PDE4A: variants seen among roughly 807,000 people sequenced by gnomAD.
The protein encoded by PDE4A is phosphodiesterase 4A, also known as 3',5'-cyclic-AMP phosphodiesterase 4A.
In PDE4A, 21 loss-of-function variants were observed where a neutral mutation model predicts 73.9. That is an observed-to-expected ratio of 0.28 (90% confidence interval 0.20 to 0.41). The LOEUF is 0.41. Among genes scored for constraint, PDE4A ranks in the 10% least tolerant of loss-of-function variants. The pLI, the probability that PDE4A is intolerant of heterozygous loss-of-function variation, is 1.00. For missense variants in PDE4A, 958 were observed against 1,211.4 expected (o/e 0.79, Z 3.10); for synonymous variants, 463 against 505.4 (o/e 0.92, Z 1.13).
In PDE4A at chr19:10,467,033, C is replaced by A; in HGVS notation, c.2073C>A (p.Pro691=). ...SAIRQSPSPP[P]EEESRGPGHP... is the part of the protein sequence containing the mutation. Reference sequence around the variant, plus strand: ...TCCGGCAGAGCCCATCTCCGCCACCCGAGGAGGAGTCAAGGGGGCCAGGCC... The same window carrying A: ...TCCGGCAGAGCCCATCTCCGCCACCAGAGGAGGAGTCAAGGGGGCCAGGCC... Residue 691 remains proline, a synonymous_variant, in exon 15 of 15, where the codon CCC becomes CCA. Coordinates refer to ENST00000380702, the MANE Select transcript of PDE4A (RefSeq NM_001111307.2). The A allele has an allele frequency of 6.2e-7, 1 of 1,614,138 alleles. No individual in the cohort carries two copies. The highest frequency in any genetic ancestry group is 1.1e-5 in the South Asian group (1 of 91,090).
intron 1 of PDE4A, among the ~76,000 whole-genome samples, chr19:10,422,033 C>T (rs1411617549): frequency 1.3e-5 from 2 of 152,016 alleles, no homozygotes; most frequent in Non-Finnish European, 2.9e-5. Flanking sequence ...ACAGGGTTTG[C>T]GACAGTGACT....
chr19:10,462,031 G>GT, intron 13 of PDE4A, 32 bp downstream of exon 13: 1 of 1,584,478 alleles, frequency 6.3e-7, no homozygotes, highest in Non-Finnish European at 8.6e-7. Flanking sequence ...TAAGGAGGGA[G>GT]GACACTCCCC....
chr19:10,421,011 C>G lies in PDE4A; in HGVS notation c.247C>G (p.Arg83Gly). 1.3e-6 allele frequency: 2 copies of G among 1,507,578 alleles called. No individual in the cohort carries two copies. The highest frequency in any genetic ancestry group is 1.8e-6 in the Non-Finnish European group (2 of 1,137,060). 93.4% of individuals were successfully genotyped at this position (1,507,578 alleles called of 1,614,324 possible). A position where few individuals can be genotyped will look rare whatever the true frequency, so the allele number is the denominator to read the frequency against. The change falls in exon 1 of 15, where the codon CGC (arginine) becomes GGC (glycine). Residue 83 changes from arginine (R) to glycine (G), a missense_variant. Transcript: ENST00000380702. ...CGACCGGCCCGGCCTGCGCACGACCCGCATGTCCTGGCCCTCGTCCTTCCA... is the reference window on the plus strand; with the variant it reads ...CGACCGGCCCGGCCTGCGCACGACCGGCATGTCCTGGCCCTCGTCCTTCCA... ...TSDRPGLRTTRMSWPSSFHGT... is the reference protein window; with the variant it reads ...TSDRPGLRTTGMSWPSSFHGT...
chr19:10,457,441 G>C (rs1469408921), intron 7 of PDE4A, among the ~76,000 whole-genome samples: 2 of 132,876 alleles, frequency 1.5e-5, no homozygotes, highest in African/African-American at 5.4e-5. Context: ...CGGGGGGGGG[G>C]GGGGGCAGGG....
chr19:10,417,430 G>A (rs113234340), upstream of PDE4A: 1,972 of 984,846 alleles, frequency 2.0e-3, 1 homozygote, highest in Non-Finnish European at 2.3e-3. Flanking sequence ...CCAAGGCTGG[G>A]GCATCGAGAG....
chr19:10,453,265 T>G lies in PDE4A; in HGVS notation c.784-1564T>G. On this transcript the variant is annotated intron_variant, in intron 6 of 14. Transcript: ENST00000380702. This position sits in a 1 kb window ranked among gnomAD's most constrained non-coding sequence, Gnocchi z 4.6. ...CCCCAGGCGGGCTAAGTCTCCAAGA[T>G]GCCCTTGGTGGATTTCTTCTGCGAG... 1 of 1,612,528 alleles carries G rather than the reference T, an allele frequency of 6.2e-7. No individual in the cohort carries two copies. Among genetic ancestry groups the G allele is most frequent in the Non-Finnish European group, 8.5e-7 (1 of 1,179,308 alleles).
chr19:10,420,702 A>G lies in PDE4A; in HGVS notation c.-63A>G. ...GCCCTGGGCTCGCTGGCTTGCGCGC[A>G]GCTGAGCGGGGTGTAGGTTGGAAGG... On this transcript the variant is annotated 5_prime_UTR_variant, in exon 1 of 15. Transcript: ENST00000380702. The surrounding 1 kb of genome is among the most constrained non-coding windows in gnomAD (Gnocchi z 6.0). 7.1e-7 allele frequency: 1 copy of G among 1,401,244 alleles called. No homozygotes were observed. 86.8% of individuals were successfully genotyped at this position (1,401,244 alleles called of 1,614,324 possible). A position where few individuals can be genotyped will look rare whatever the true frequency, so the allele number is the denominator to read the frequency against.
At chr19:10,417,799 C>T (rs1348491402), upstream of PDE4A, 13 of 1,556,110 alleles carry the variant, frequency 8.4e-6, no homozygotes, top group Non-Finnish European at 1.0e-5. Context: ...CCTCTGCCGC[C>T]ACGGCCCACC....
In PDE4A at chr19:10,467,013, C is replaced by A. The variant is rs199892625; in HGVS notation, c.2053C>A (p.Gln685Lys). 3.0e-5 allele frequency: 48 copies of A among 1,614,058 alleles called. No individual in the cohort carries two copies. The highest frequency in any genetic ancestry group is 3.6e-5 in the Non-Finnish European group (43 of 1,180,052). ...NRDWYYSAIR[Q>K]SPSPPPEEES... ...GGACTGGTACTACAGCGCCATCCGG[C>A]AGAGCCCATCTCCGCCACCCGAGGA... Residue 685 changes from glutamine to lysine, a missense_variant, in exon 15 of 15, where the codon CAG becomes AAG. Gln to Lys is a moderately conservative substitution (Grantham distance 53). Transcript: ENST00000380702.
In PDE4A at chr19:10,467,012, G is replaced by T. The variant is rs970417876; in HGVS notation, c.2052G>T (p.Arg684=). 1 of 1,614,126 alleles carries T rather than the reference G, an allele frequency of 6.2e-7. No individual in the cohort carries two copies. The highest frequency in any genetic ancestry group is 1.3e-5 in the African/African-American group (1 of 75,054). Residue 684 remains arginine, a synonymous_variant, in exon 15 of 15, where the codon CGG becomes CGT. Transcript: ENST00000380702. ...DNRDWYYSAI[R]QSPSPPPEEE... ...GGGACTGGTACTACAGCGCCATCCG[G>T]CAGAGCCCATCTCCGCCACCCGAGG...
chr19:10,430,951 C>T, intron 1 of PDE4A: 2 of 1,529,908 alleles, frequency 1.3e-6, no homozygotes, highest in Non-Finnish European at 1.7e-6. Flanking sequence ...CCCCTGGCCC[C>T]GCGCGCGCCC....
At chr19:10,446,112 T>C (rs2042999501) in intron 1 of PDE4A, 106 bp from the exon 2 acceptor site, 3 of 1,462,332 alleles carry the variant, frequency 2.1e-6, no homozygotes, top group Non-Finnish European at 1.8e-6. Flanking sequence ...GTGCTGGGAT[T>C]ACAGGCATTA....
chr19:10,423,286 G>A (rs1166183068), intron 1 of PDE4A: 1 of 276,206 alleles, frequency 3.6e-6, no homozygotes, highest in African/African-American at 2.3e-5. Flanking sequence ...AGCCTCCGGA[G>A]TAGCTGGGAT....
intron 14 of PDE4A, among the ~76,000 whole-genome samples, chr19:10,465,099 C>G (rs551002252): frequency 6.6e-6 from 1 of 152,136 alleles, no homozygotes; most frequent in Non-Finnish European, 1.5e-5. Context: ...GTTTCTAGGC[C>G]TCAGCACTGT....
intron 1 of PDE4A, among the ~76,000 whole-genome samples, chr19:10,433,221 A>G (rs1366525750): frequency 3.9e-5 from 6 of 152,020 alleles, no homozygotes; most frequent in Non-Finnish European, 5.9e-5. Flanking sequence ...CGTACTAGGT[A>G]TGGGTCTCCT....
upstream of PDE4A, chr19:10,417,603 A>C: frequency 1.3e-6 from 2 of 1,519,132 alleles, no homozygotes; most frequent in Non-Finnish European, 1.8e-6. Flanking sequence ...TCTTGGGGAG[A>C]GGGGCTCAGA....
chr19:10,426,342 G>T (rs77404078), intron 1 of PDE4A, among the ~76,000 whole-genome samples: 1 of 152,036 alleles, frequency 6.6e-6, no homozygotes, highest in Non-Finnish European at 1.5e-5. Context: ...CCAACCCGTG[G>T]CCCAGGATGG....
rs1389178374 is a variant in PDE4A, at chr19:10,467,111, G to A, written c.2151G>A (p.Glu717=). 8 of 1,614,062 alleles carry A rather than the reference G, an allele frequency of 5.0e-6. No individual in the cohort carries two copies. The Admixed American group carries it at 8.3e-5, about 17-fold the overall frequency. The part of the protein sequence containing the change: ...FQFELTLEEE[E]EEEISMAQIP... ...TTGAGCTGACGCTGGAGGAGGAAGA[G>A]GAGGAAGAAATATCAATGGCCCAGA... The change falls in exon 15 of 15, where the codon GAG becomes GAA. Residue 717 remains glutamate, a synonymous_variant. Transcript: ENST00000380702.
chr19:10,441,493 G>GCCAT (rs1268207014), intron 1 of PDE4A, among the ~76,000 whole-genome samples: 1 of 151,798 alleles, frequency 6.6e-6, no homozygotes. Context: ...CTGGTCTCAA[G>GCCAT]CCATCCTTCC....
Sources: gnomAD v4.1 joint callset for allele counts (sites outside exome capture counted in the v4.1 genomes callset) on GRCh38, gnomAD v4.1.1 for gene constraint, Gnocchi (gnomAD v3.1) non-coding constraint, MANE v1.5 for transcripts, NCBI Gene and HGNC (gene_info 2026-07-23, HGNC 2026-07-21) for gene names.